Variants in NKPD1 observed in about 807,000 individuals in gnomAD.
The protein encoded by NKPD1 is NTPase KAP family P-loop domain-containing protein 1.
In NKPD1, 37 loss-of-function variants were observed where a neutral mutation model predicts 42.2. The observed-to-expected ratio is 0.88, with a 90% CI of 0.67 to 1.15. The LOEUF (loss-of-function observed/expected upper bound fraction) is 1.15, where lower values mean the gene tolerates loss of function less well. Ranked by LOEUF, NKPD1 falls within the 50% of genes most tolerant of loss-of-function variation. The probability of loss-of-function intolerance (pLI) is 0.00; values close to 1 mark genes in which losing one functional copy is unlikely to be tolerated. For missense variants in NKPD1, 1,113 were observed against 1,174.6 expected, an observed-to-expected ratio of 0.95 and a Z score of 0.77; for synonymous variants, 552 against 536.5, an observed-to-expected ratio of 1.03 and a Z score of -0.40.
In NKPD1 at chr19:45,152,816, GGAACT is replaced by G. The variant is rs1568456336; in HGVS notation, c.1616_1620del (p.Gln539ProfsTer314). 3.1e-6 allele frequency: 5 copies of G among 1,599,002 alleles called. No individual in the cohort carries two copies. In the South Asian group the frequency reaches 5.6e-5, roughly 18 times the overall value. ...TCGCGGCTCTGCACCGCATCGTGCA[GGAACT>G]GCAGCTTGGTGCGGCGGCCCATAAT... On this transcript the variant is annotated frameshift_variant, in exon 5 of 5. Transcript: ENST00000686631. LOFTEE classifies it low-confidence loss of function (END_TRUNC).
rs770383290 is a variant in NKPD1, at chr19:45,155,928, G to T, written c.530-12C>A. 1.5e-5 allele frequency: 20 copies of T among 1,303,098 alleles called. No individual in the cohort carries two copies. The highest frequency in any genetic ancestry group is 2.0e-5 in the Non-Finnish European group (20 of 987,266). The allele number at this position is 1,303,098 out of a possible 1,614,324, so 80.7% of individuals were successfully genotyped here. ...CTCTGTCAGGATGTCTGGTGGTTGG[G>T]AGTGGGGACACTGAGTCAGGACCAC... is the stretch of plus-strand genomic sequence containing the variant. On this transcript the variant is annotated splice_polypyrimidine_tract_variant and intron_variant, in intron 3 of 4. Coordinates refer to ENST00000686631, the MANE Select transcript of NKPD1 (RefSeq NM_198478.4).
rs1328216920 is a variant in NKPD1, at chr19:45,155,908, T to A, written c.538A>T (p.Thr180Ser). 1 of 1,304,878 alleles carries A rather than the reference T, an allele frequency of 7.7e-7. No individual in the cohort carries two copies. The highest frequency in any genetic ancestry group is 1.0e-6 in the Non-Finnish European group (1 of 988,532). 80.8% of individuals were successfully genotyped at this position (1,304,878 alleles called of 1,614,324 possible). The change falls in exon 4 of 5, where the codon ACA becomes TCA. Residue 180 changes from threonine to serine, a missense_variant. Physicochemically the swap from Thr to Ser is moderately conservative, Grantham distance 58. Coordinates refer to ENST00000686631, the MANE Select transcript of NKPD1 (RefSeq NM_198478.4). ...SFTAYSSDILTEDDVYCSCLA... is the reference protein window; with the variant it reads ...SFTAYSSDILSEDDVYCSCLA... ...CAGCTGCAGTAGACGTCATCCTCTG[T>A]CAGGATGTCTGGTGGTTGGGAGTGG...
At chr19:45,160,793 G>A (rs942298883) in intron 1 of NKPD1, among the ~76,000 whole-genome samples, 132 bp downstream of exon 1, 4 of 152,066 alleles carry the variant, frequency 2.6e-5, no homozygotes, top group African/African-American at 7.2e-5. Context: ...GTGAAGAGCC[G>A]AAAGCAGGAC....
intron 3 of NKPD1, among the ~76,000 whole-genome samples, chr19:45,156,501 C>T (rs753464123): frequency 6.6e-6 from 1 of 152,202 alleles, no homozygotes; most frequent in Non-Finnish European, 1.5e-5. Flanking sequence ...TCTGCAGACC[C>T]CAGGGAGAGC....
At chr19:45,155,406 CT>C (rs1313394883) in intron 4 of NKPD1, among the ~76,000 whole-genome samples, 1 of 152,106 alleles carries the variant, frequency 6.6e-6, no homozygotes, top group East Asian at 1.9e-4. Context: ...ACCACCAAGC[CT>C]TAAGAGGTGG....
rs754285748 is a variant in NKPD1, at chr19:45,158,711, G to C, written c.481C>G (p.Pro161Ala). 3.3e-6 allele frequency: 4 copies of C among 1,198,980 alleles called. No individual in the cohort carries two copies. In the African/African-American group the frequency reaches 6.5e-5, roughly 19 times the overall value. 74.3% of individuals were successfully genotyped at this position (1,198,980 alleles called of 1,614,324 possible). Residue 161 changes from proline (P) to alanine (A), a missense_variant, in exon 3 of 5, where the codon CCC becomes GCC. This residue lies in a region of NKPD1 where 204 missense variants were observed against 227.8 expected (regional missense o/e 0.90). Coordinates refer to ENST00000686631, the MANE Select transcript of NKPD1 (RefSeq NM_198478.4). The surrounding 1 kb of genome is among the most constrained non-coding windows in gnomAD (Gnocchi z 4.6). ...LKPSEPTDAR[P>A]LPAPAACGSF... is the part of the protein sequence containing the mutation. The stretch of plus-strand genomic sequence containing the variant: ...CCACAGGCCGCTGGGGCGGGCAGGG[G>C]CCGGGCATCAGTGGGCTCGCTGGGC...
chr19:45,156,685 C>G (rs1367138979), intron 3 of NKPD1, among the ~76,000 whole-genome samples: 1 of 152,214 alleles, frequency 6.6e-6, no homozygotes, highest in East Asian at 1.9e-4. Flanking sequence ...CTGCAGAGGG[C>G]ACCCTGTCCC....
chr19:45,152,526 C>T lies in NKPD1; in HGVS notation c.1911G>A (p.Gln637=). 6.3e-7 allele frequency: 1 copy of T among 1,575,460 alleles called. No homozygotes were observed. The highest frequency in any genetic ancestry group is 2.3e-5 in the East Asian group (1 of 42,818). The change falls in exon 5 of 5, where the codon CAG becomes CAA. Residue 637 remains glutamine (Q), a synonymous_variant. Transcript: ENST00000686631. ...CAAAGTCCCCCTGCTGCTGCTGCTG[C>T]TGCAGCAGGCGCACGGTGATGGGCA... ...NTVPITVRLL[Q]QQQQQGDFGG...
Position 45,158,890 on chromosome 19 carries a change from C to T in NKPD1, c.302G>A (p.Cys101Tyr). The change falls in exon 3 of 5, where the codon TGC (cysteine) becomes TAC (tyrosine). Residue 101 changes from cysteine (C) to tyrosine (Y), a missense_variant. By Grantham distance (194) the Cys-to-Tyr change is radical. Coordinates refer to ENST00000686631, the MANE Select transcript of NKPD1 (RefSeq NM_198478.4). This position sits in a 1 kb window ranked among gnomAD's most constrained non-coding sequence, Gnocchi z 4.6. ...CCCCTTCTGGGCTTCGTGAATGGGG[C>T]AGAGCCGCTGCCGCAGGGGGCTGGG... ...SPPSPLRQRL[C>Y]PIHEAQKGLP... 1.5e-6 allele frequency: 2 copies of T among 1,292,826 alleles called. No homozygotes were observed. The highest frequency in any genetic ancestry group is 2.0e-6 in the Non-Finnish European group (2 of 983,448). 80.1% of individuals were successfully genotyped at this position (1,292,826 alleles called of 1,614,324 possible).
upstream of NKPD1, among the ~76,000 whole-genome samples, chr19:45,162,063 G>C (rs78691494): frequency 0.012 from 1,888 of 152,250 alleles, 41 homozygotes; most frequent in African/African-American, 0.042. Flanking sequence ...GGCGGGGCTG[G>C]CATCTGAGCG....
chr19:45,153,577 G>A lies in NKPD1; in HGVS notation c.860C>T (p.Ala287Val), dbSNP rs977572947. The change falls in exon 5 of 5, where the codon GCG (alanine) becomes GTG (valine). Residue 287 changes from alanine to valine, a missense_variant. Ala to Val is a moderately conservative substitution (Grantham distance 64). Around this residue, in one of 3 missense-constraint regions of NKPD1, gnomAD observed 867 missense variants for 870.1 expected, o/e 1.00. Transcript: ENST00000686631. ...LFIRFSAWQY[A>V]GTDKLWAGLV... ...GCCGGCCCACAGCTTGTCGGTGCCC[G>A]CGTACTGCCAGGCGCTAAAGCGGAT... The A allele has an allele frequency of 2.6e-6, 4 of 1,560,172 alleles. No homozygotes were observed. Among genetic ancestry groups the A allele is most frequent in the Non-Finnish European group, 3.5e-6 (4 of 1,149,744 alleles).
rs1187083017 is a variant in NKPD1, at chr19:45,158,853, G to C, written c.339C>G (p.Thr113=). The change falls in exon 3 of 5, where the codon ACC becomes ACG. Residue 113 remains threonine, a synonymous_variant. Transcript: ENST00000686631. The surrounding 1 kb of genome is among the most constrained non-coding windows in gnomAD (Gnocchi z 4.6). Reference sequence around the variant, plus strand: ...TGGCAGGTTCCTTGGGGACAGTGGAGGTTGCAGGCAGCCCCTTCTGGGCTT... The same window carrying C: ...TGGCAGGTTCCTTGGGGACAGTGGACGTTGCAGGCAGCCCCTTCTGGGCTT... ...IHEAQKGLPA[T]STVPKEPASA... is the part of the protein sequence containing the mutation. 29 of 1,282,892 alleles carry C rather than the reference G, an allele frequency of 2.3e-5. No homozygotes were observed. The Admixed American group carries it at 7.4e-4, about 33-fold the overall frequency. The allele number at this position is 1,282,892 out of a possible 1,614,324, so 79.5% of individuals were successfully genotyped here.
At chr19:45,155,159 A>G (rs1226643687) in intron 4 of NKPD1, among the ~76,000 whole-genome samples, 1 of 151,694 alleles carries the variant, frequency 6.6e-6, no homozygotes, top group East Asian at 1.9e-4. Context: ...TCTACTAAAA[A>G]TACAAAAAAT....
rs1968758336 is a variant in NKPD1, at chr19:45,150,500, C to T, written c.*1438G>A. 6.6e-6 allele frequency: 1 copy of T among 152,162 alleles called. No individual in the cohort carries two copies. The highest frequency in any genetic ancestry group is 1.5e-5 in the Non-Finnish European group (1 of 68,032). 9.4% of individuals were successfully genotyped at this position (152,162 alleles called of 1,614,324 possible). On this transcript the variant is annotated 3_prime_UTR_variant, in exon 5 of 5. Coordinates refer to ENST00000686631, the MANE Select transcript of NKPD1 (RefSeq NM_198478.4). ...GGGAGGCTACAGGGATATATTGACC[C>T]CAACCACACATCTACAGAAACAGAC...
Position 45,153,719 on chromosome 19 carries a change from A to G in NKPD1, c.718T>C (p.Trp240Arg), listed in dbSNP as rs764948270. 1.1e-4 allele frequency: 169 copies of G among 1,529,588 alleles called. 1 individual carries two copies. The highest frequency in any genetic ancestry group is 1.4e-4 in the Non-Finnish European group (157 of 1,132,534). 94.8% of individuals were successfully genotyped at this position (1,529,588 alleles called of 1,614,324 possible). A position where few individuals can be genotyped will look rare whatever the true frequency, so the allele number is the denominator to read the frequency against. The change falls in exon 5 of 5, where the codon TGG (tryptophan) becomes CGG (arginine). Residue 240 changes from tryptophan (W) to arginine (R), a missense_variant. This residue lies in a region of NKPD1 where 867 missense variants were observed against 870.1 expected (regional missense o/e 1.00). Coordinates refer to ENST00000686631, the MANE Select transcript of NKPD1 (RefSeq NM_198478.4). ...CAGCCGCTCACGGCACGCGGCCGCC[A>G]CTGCACGTGCTGCAGCTCCTCGCTC... Reference protein sequence around the residue: ...RESEELQHVQWRPRAVSGWGV... With the variant: ...RESEELQHVQRRPRAVSGWGV...
rs755850768 is a variant in NKPD1 at position 45,153,345 on chromosome 19, G to T, written c.1092C>A (p.Gly364=). 63 of 1,568,370 alleles carry T rather than the reference G, an allele frequency of 4.0e-5. No individual in the cohort carries two copies. The highest frequency in any genetic ancestry group is 5.1e-5 in the Non-Finnish European group (59 of 1,159,334). Residue 364 remains glycine (G), a synonymous_variant, in exon 5 of 5, where the codon GGC becomes GGA. Transcript: ENST00000686631. The stretch of plus-strand genomic sequence containing the variant: ...TCGGGCTGCCGTGGCCCAGCGCGTG[G>T]CCGCCCAGTGACAAGTAGAGCAGCC... ...GVGLLYLSLG[G]HALGHGSPSG...
At chr19:45,159,729 TG>T (rs958390336) in intron 2 of NKPD1, among the ~76,000 whole-genome samples, 1 of 151,848 alleles carries the variant, frequency 6.6e-6, no homozygotes, top group Non-Finnish European at 1.5e-5. Flanking sequence ...ACATGTTCAG[TG>T]GGGGGGCTCC....
chr19:45,153,709 C>A lies in NKPD1; in HGVS notation c.728G>T (p.Arg243Leu), dbSNP rs942684324. The A allele has an allele frequency of 2.6e-6, 4 of 1,535,970 alleles. No individual in the cohort carries two copies. Among genetic ancestry groups the A allele is most frequent in the African/African-American group, 1.4e-5 (1 of 73,030 alleles). The change falls in exon 5 of 5, where the codon CGT becomes CTT. Residue 243 changes from arginine (R) to leucine (L), a missense_variant. Transcript: ENST00000686631. ...CGGGACGCCCCAGCCGCTCACGGCACGCGGCCGCCACTGCACGTGCTGCAG... is the reference window on the plus strand; with the variant it reads ...CGGGACGCCCCAGCCGCTCACGGCAAGCGGCCGCCACTGCACGTGCTGCAG... The part of the protein sequence containing the change: ...EELQHVQWRP[R>L]AVSGWGVPQL...
chr19:45,156,831 G>A (rs966015349), intron 3 of NKPD1, among the ~76,000 whole-genome samples: 2 of 152,228 alleles, frequency 1.3e-5, no homozygotes, highest in Non-Finnish European at 2.9e-5. Flanking sequence ...CTGGTGGGCT[G>A]TAGGAAACGG....
Sources: gnomAD v4.1 joint callset for allele counts (sites outside exome capture counted in the v4.1 genomes callset) on GRCh38, gnomAD v4.1.1 for gene constraint, gnomAD v4.1.1 regional missense constraint, Gnocchi (gnomAD v3.1) non-coding constraint, MANE v1.5 for transcripts, NCBI Gene and HGNC (gene_info 2026-07-23, HGNC 2026-07-21) for gene names.